KDM4C: variants seen among roughly 807,000 people sequenced by gnomAD.
KDM4C encodes the protein lysine demethylase 4C, also known as lysine-specific demethylase 4C.
KDM4C carries 81 observed loss-of-function variants against 129.3 expected under a neutral mutation model. The observed-to-expected ratio is 0.63, with a 90% CI of 0.52 to 0.75. The LOEUF is 0.75. Ranked by LOEUF, KDM4C falls within the 30% of genes least tolerant of loss-of-function variation. The pLI is 0.00. For synonymous variants in KDM4C, 573 were observed against 456.1 expected, an observed-to-expected ratio of 1.26 and a Z score of -3.26; for missense variants, 1,457 against 1,304.0, an observed-to-expected ratio of 1.12 and a Z score of -1.81.
chr9:7,013,307 A>G (rs1325950502), intron 13 of KDM4C, among the ~76,000 whole-genome samples: 1 of 152,170 alleles, frequency 6.6e-6, no homozygotes, highest in East Asian at 1.9e-4. Flanking sequence ...ATTTAGTGAC[A>G]TGTGCCAGTT....
In KDM4C at chr9:6,986,618, A is replaced by C. The variant is rs752546907; in HGVS notation, c.1629A>C (p.Glu543Asp). 1.2e-6 allele frequency: 2 copies of C among 1,613,810 alleles called. No individual in the cohort carries two copies. The highest frequency in any genetic ancestry group is 2.7e-5 in the African/African-American group (2 of 74,920). Residue 543 changes from glutamate (E) to aspartate (D), a missense_variant, in exon 11 of 22, where the codon GAA becomes GAC. Physicochemically the swap from Glu to Asp is conservative, Grantham distance 45 (BLOSUM62 2). Transcript: ENST00000381309. ...ATGGGAATGGCCTTGAACCTGGGGAAATCCCAGCGGTCCCCAGTGGAGAGA... is the reference window on the plus strand; with the variant it reads ...ATGGGAATGGCCTTGAACCTGGGGACATCCCAGCGGTCCCCAGTGGAGAGA... ...ESHGNGLEPG[E>D]IPAVPSGERN... is the part of the protein sequence containing the mutation.
intron 5 of KDM4C, among the ~76,000 whole-genome samples, chr9:6,877,326 A>T (rs1488885021): frequency 3.3e-5 from 5 of 152,106 alleles, no homozygotes; most frequent in Non-Finnish European, 7.4e-5. Flanking sequence ...TCAGCCTCCC[A>T]AGTAGCTGAG....
intron 17 of KDM4C, among the ~76,000 whole-genome samples, chr9:7,095,062 C>T (rs1836265418): frequency 1.3e-5 from 2 of 152,164 alleles, no homozygotes; most frequent in Admixed American, 6.5e-5. Flanking sequence ...GTATATATAG[C>T]AGGAATATCT....
chr9:7,087,677 A>G (rs1468250926), intron 17 of KDM4C, among the ~76,000 whole-genome samples: 1 of 152,228 alleles, frequency 6.6e-6, no homozygotes, highest in Non-Finnish European at 1.5e-5. Flanking sequence ...GGAGTAATAT[A>G]AATTTAAAGG....
chr9:6,815,136 A>G (rs1831850295), intron 4 of KDM4C: 1 of 153,066 alleles, frequency 6.5e-6, no homozygotes, highest in African/African-American at 2.4e-5. Flanking sequence ...CATTAAAAAA[A>G]TGTTATATTT....
In KDM4C at chr9:7,159,357, A is replaced by T. The variant is rs150580244; in HGVS notation, c.2782-5881A>T. On this transcript the variant is annotated intron_variant, in intron 19 of 21. Transcript: ENST00000381309. ...TTTAAGGTTAATATTGTTATGTGTG[A>T]ATTTGATCCTGTCATTATGTTGTTA... 2.4e-4 allele frequency among the ~76,000 whole-genome samples: 37 copies of T among 152,236 alleles called. 3 individuals carry two copies. The East Asian group carries it at 7.0e-3, about 29-fold the overall frequency.
intron 15 of KDM4C, among the ~76,000 whole-genome samples, chr9:7,039,434 G>T (rs1224578711): frequency 2.0e-5 from 3 of 151,752 alleles, no homozygotes; most frequent in Admixed American, 2.0e-4. Context: ...TTGTCATTTA[G>T]AGTCTCTTTT....
At chr9:6,770,687 T>C (rs1821601388) in intron 1 of KDM4C, among the ~76,000 whole-genome samples, 3 of 150,982 alleles carry the variant, frequency 2.0e-5, no homozygotes, top group Non-Finnish European at 2.9e-5. Context: ...GGTCAGATTA[T>C]TGTGTTTGAT....
rs199953526 is a variant in KDM4C, at chr9:6,969,872, GTCATA to G, written c.922-11052_922-11048del. On this transcript the variant is annotated intron_variant, in intron 8 of 21. Coordinates refer to ENST00000381309, the MANE Select transcript of KDM4C (RefSeq NM_015061.6). Reference sequence around the variant, plus strand: ...CAGGACTACCTACTTGACATTTCTTGTCATACTTTCTGCTCTGTTGATTTCTTTCT... The same window carrying G: ...CAGGACTACCTACTTGACATTTCTTGCTTTCTGCTCTGTTGATTTCTTTCT... Among the ~76,000 whole-genome samples, 457 of 152,338 alleles carry G rather than the reference GTCATA, an allele frequency of 3.0e-3. 1 individual carries two copies. The highest frequency in any genetic ancestry group is 0.01 in the African/African-American group (432 of 41,584).
chr9:6,784,096 T>C (rs533851973), intron 1 of KDM4C, among the ~76,000 whole-genome samples: 1 of 152,230 alleles, frequency 6.6e-6, no homozygotes, highest in South Asian at 2.1e-4. Context: ...AGCATGCAGA[T>C]GTTACTATAG....
intron 1 of KDM4C, chr9:6,734,829 T>A: frequency 2.1e-6 from 1 of 477,856 alleles, no homozygotes; most frequent in South Asian, 1.7e-5. Context: ...CTCTACAGGA[T>A]CAACTACTGA....
intron 1 of KDM4C, among the ~76,000 whole-genome samples, chr9:6,731,628 G>A (rs528575493): frequency 2.8e-4 from 43 of 152,116 alleles, no homozygotes; most frequent in Middle Eastern, 3.4e-3. Flanking sequence ...CACTGCGCCC[G>A]GCCAAGCAAC....
chr9:6,768,848 C>T (rs1172583916), intron 1 of KDM4C, among the ~76,000 whole-genome samples: 2 of 152,008 alleles, frequency 1.3e-5, no homozygotes, highest in Non-Finnish European at 2.9e-5. Context: ...TCTCTGCTCA[C>T]TGCAACCTCC....
chr9:6,816,112 G>T (rs1832041351), intron 4 of KDM4C, among the ~76,000 whole-genome samples: 1 of 152,070 alleles, frequency 6.6e-6, no homozygotes, highest in Non-Finnish European at 1.5e-5. Context: ...ACTAATAAGT[G>T]ATCTATGGGG....
At chr9:7,031,557 A>AGTG (rs1826776086) in intron 15 of KDM4C, among the ~76,000 whole-genome samples, 1 of 152,186 alleles carries the variant, frequency 6.6e-6, no homozygotes, top group Admixed American at 6.5e-5. Context: ...CAAAGAATGG[A>AGTG]ATATACAATT....
In KDM4C at chr9:7,103,713, A is replaced by G. The variant is rs267602260; in HGVS notation, c.2453A>G (p.Lys818Arg). ...LKCIFCRHRV[K>R]RVSGACIQCS... ...TGCATCTTCTGCAGACACCGGGTTAAGAGGGTCTCTGGAGCCTGCATCCAG... is the reference window on the plus strand; with the variant it reads ...TGCATCTTCTGCAGACACCGGGTTAGGAGGGTCTCTGGAGCCTGCATCCAG... Residue 818 changes from lysine to arginine, a missense_variant, in exon 18 of 22, where the codon AAG becomes AGG. Physicochemically the swap from Lys to Arg is conservative, Grantham distance 26. Transcript: ENST00000381309. 1.2e-6 allele frequency: 2 copies of G among 1,613,794 alleles called. No homozygotes were observed. Among genetic ancestry groups the G allele is most frequent in the Admixed American group, 1.7e-5 (1 of 59,980 alleles).
chr9:6,987,354 T>C (rs1344918753), intron 11 of KDM4C, among the ~76,000 whole-genome samples: 1 of 152,220 alleles, frequency 6.6e-6, no homozygotes, highest in African/African-American at 2.4e-5. Flanking sequence ...TTTTGGAAAA[T>C]TGTACAATAT....
At chr9:6,895,580 G>C (rs1005934259) in intron 8 of KDM4C, among the ~76,000 whole-genome samples, 1 of 152,044 alleles carries the variant, frequency 6.6e-6, no homozygotes, top group Admixed American at 6.6e-5. Context: ...ACTACTACAG[G>C]GGGTACCAAT....
At chr9:6,825,002 C>T (rs977762583) in intron 4 of KDM4C, among the ~76,000 whole-genome samples, 5 of 151,794 alleles carry the variant, frequency 3.3e-5, no homozygotes, top group Admixed American at 1.3e-4. Context: ...AAAAATTAGC[C>T]GGGTGTGGTG....
Sources: allele counts gnomAD v4.1 joint callset (sites outside exome capture counted in the v4.1 genomes callset), GRCh38; gene constraint gnomAD v4.1.1; transcripts MANE v1.5; gene names NCBI Gene and HGNC (gene_info 2026-07-23, HGNC 2026-07-21).